Variants in PCDHGA6 observed in about 807,000 individuals in gnomAD.
PCDHGA6 encodes protocadherin gamma subfamily A, 6, also known as protocadherin gamma-A6.
Under a neutral mutation model 60.6 loss-of-function variants are expected in PCDHGA6, and 41 were observed. The ratio of observed to expected loss-of-function variants is 0.68; its 90% CI spans 0.53 to 0.88. The LOEUF (loss-of-function observed/expected upper bound fraction) is 0.88. Ranked by LOEUF, PCDHGA6 falls within the 40% of genes least tolerant of loss-of-function variation. PCDHGA6 has a pLI of 0.00. For missense variants in PCDHGA6, 1,312 were observed against 1,203.0 expected (o/e 1.09, Z -1.34); for synonymous variants, 594 against 524.4 (o/e 1.13, Z -1.81).
intron 1 of PCDHGA6, among the ~76,000 whole-genome samples, chr5:141,467,486 T>A (rs985186472): frequency 6.6e-6 from 1 of 152,242 alleles, no homozygotes; most frequent in Non-Finnish European, 1.5e-5. Flanking sequence ...GGTTTCCACA[T>A]TTAGATCCCT....
chr5:141,411,806 C>G (rs1276116820), intron 1 of PCDHGA6: 1 of 151,860 alleles, frequency 6.6e-6, no homozygotes, highest in Non-Finnish European at 1.5e-5. Flanking sequence ...CGCTTGAGCC[C>G]AGGAAGTCTA....
rs376527354 is a variant in PCDHGA6, at chr5:141,439,129, G to A, written c.2425-55678G>A. Among the ~76,000 whole-genome samples the A allele has an allele frequency of 7.3e-5, 11 of 151,064 alleles. No individual in the cohort carries two copies. The South Asian group carries it at 2.3e-3, about 32-fold the overall frequency. The stretch of plus-strand genomic sequence containing the variant: ...AATCACTTGAACCCGGGAGACAGAG[G>A]TTGCAGTGAGCTGAGATCACGCCAC... On this transcript the variant is annotated intron_variant, in intron 1 of 3. Coordinates refer to ENST00000517434, the MANE Select transcript of PCDHGA6 (RefSeq NM_018919.3).
At chr5:141,413,550 A>C (rs2095653911) in intron 1 of PCDHGA6, 1 of 1,613,974 alleles carries the variant, frequency 6.2e-7, no homozygotes, top group Non-Finnish European at 8.5e-7. Context: ...GGATAGAAAT[A>C]GAAGTAACTG....
At chr5:141,409,898 G>A in intron 1 of PCDHGA6, 1 of 1,613,240 alleles carries the variant, frequency 6.2e-7, no homozygotes, top group Non-Finnish European at 8.5e-7. Flanking sequence ...GCTGTACCCA[G>A]CTCTGGGTCC....
chr5:141,431,603 C>T lies in PCDHGA6; in HGVS notation c.2424+55096C>T, dbSNP rs746243366. On this transcript the variant is annotated intron_variant, in intron 1 of 3. Coordinates refer to ENST00000517434, the MANE Select transcript of PCDHGA6 (RefSeq NM_018919.3). This position sits in a 1 kb window ranked among gnomAD's most constrained non-coding sequence, Gnocchi z 4.8. ...CAATGCGGAAGTGAGGTATTCCTTC[C>T]GGTATGTGGACGACAAGGCGGCCCA... is the stretch of plus-strand genomic sequence containing the variant. 1.1e-5 allele frequency: 17 copies of T among 1,614,212 alleles called. No individual in the cohort carries two copies. Among genetic ancestry groups the T allele is most frequent in the Non-Finnish European group, 1.4e-5 (16 of 1,180,044 alleles).
At chr5:141,379,256 A>C (rs896314996) in intron 1 of PCDHGA6, 1 of 152,234 alleles carries the variant, frequency 6.6e-6, no homozygotes, top group Non-Finnish European at 1.5e-5. Flanking sequence ...ATTTACATTT[A>C]AGGAATTGTT....
Position 141,489,214 on chromosome 5 carries a change from T to TA in PCDHGA6, c.2425-5592dup, listed in dbSNP as rs771766565. On this transcript the variant is annotated intron_variant, in intron 1 of 3. Transcript: ENST00000517434. This position sits in a 1 kb window ranked among gnomAD's most constrained non-coding sequence, Gnocchi z 4.5. ...CCTTGGAGACAGGACAGCACAGACTTACTCTCCACAAAGGGACTTCTGGGT... is the reference window on the plus strand; with the variant it reads ...CCTTGGAGACAGGACAGCACAGACTTAACTCTCCACAAAGGGACTTCTGGGT... 216 of 1,480,534 alleles carry TA rather than the reference T, an allele frequency of 1.5e-4. 4 individuals are homozygous for TA. The South Asian group carries it at 2.1e-3, about 14-fold the overall frequency. 91.7% of individuals were successfully genotyped at this position (1,480,534 alleles called of 1,614,324 possible).
intron 3 of PCDHGA6, among the ~76,000 whole-genome samples, chr5:141,510,354 G>A (rs1311482557): frequency 2.1e-5 from 3 of 146,300 alleles, no homozygotes; most frequent in Non-Finnish European, 4.5e-5. Flanking sequence ...ACTTACTAAC[G>A]GAACTACCGA....
chr5:141,485,762 G>A lies in PCDHGA6; in HGVS notation c.2425-9045G>A, dbSNP rs774145313. 3.1e-6 allele frequency: 5 copies of A among 1,614,226 alleles called. No homozygotes were observed. The highest frequency in any genetic ancestry group is 3.3e-5 in the Admixed American group (2 of 60,030). ...CAGCCTGGTCCCAGAGCTGCTCCTG[G>A]AGAAGCCTTTGGATCGAGAGAAGCA... On this transcript the variant is annotated intron_variant, in intron 1 of 3. Transcript: ENST00000517434. The surrounding 1 kb of genome is among the most constrained non-coding windows in gnomAD (Gnocchi z 5.7).
chr5:141,375,300 C>A lies in PCDHGA6; in HGVS notation c.1217C>A (p.Thr406Lys), dbSNP rs374837091. The change falls in exon 1 of 4, where the codon ACA (threonine) becomes AAA (lysine). Residue 406 changes from threonine to lysine, a missense_variant. By Grantham distance (78) the Thr-to-Lys change is moderately conservative. Transcript: ENST00000517434. ...KSVGNYYRLV[T>K]NAALDREEVF... ...GTTGGCAATTATTATCGATTAGTGA[C>A]AAATGCAGCTCTAGACCGGGAAGAG... 1.3e-5 allele frequency: 21 copies of A among 1,613,664 alleles called. No homozygotes were observed. In the African/African-American group the frequency reaches 2.1e-4, roughly 16 times the overall value.
chr5:141,465,313 T>C (rs113508011), intron 1 of PCDHGA6, among the ~76,000 whole-genome samples: 5 of 152,312 alleles, frequency 3.3e-5, no homozygotes, highest in Admixed American at 6.5e-5. Context: ...AATTTAGCCA[T>C]GTCAATGCAG....
At chr5:141,393,746 A>G (rs1167040701) in intron 1 of PCDHGA6, 6 of 1,613,800 alleles carry the variant, frequency 3.7e-6, no homozygotes, top group South Asian at 1.1e-5. Context: ...ATTATGAAGA[A>G]TGTTCATTTT....
At chr5:141,396,830 G>C (rs1014090361) in intron 1 of PCDHGA6, among the ~76,000 whole-genome samples, 1 of 152,198 alleles carries the variant, frequency 6.6e-6, no homozygotes, top group African/African-American at 2.4e-5. Flanking sequence ...TGCATATTCA[G>C]TGGAGTGGGA....
chr5:141,404,919 C>T, intron 1 of PCDHGA6: 1 of 1,613,924 alleles, frequency 6.2e-7, no homozygotes, highest in Non-Finnish European at 8.5e-7. Context: ...CCTCTCTCGG[C>T]CACTGTCACG....
chr5:141,415,387 G>A (rs1347191224), intron 1 of PCDHGA6: 2 of 1,614,168 alleles, frequency 1.2e-6, no homozygotes. Context: ...CGGCTTGACA[G>A]GTGTGTCCGG....
In PCDHGA6 at chr5:141,432,413, G is replaced by A; in HGVS notation, c.2424+55906G>A. 1.2e-6 allele frequency: 2 copies of A among 1,614,232 alleles called. No homozygotes were observed. The highest frequency in any genetic ancestry group is 2.2e-5 in the South Asian group (2 of 91,082). Reference sequence around the variant, plus strand: ...CAGCAACGTGTCGTTGAGCCTGTTCGTGCTGGACCAGAACGACAATGCGCC... The same window carrying A: ...CAGCAACGTGTCGTTGAGCCTGTTCATGCTGGACCAGAACGACAATGCGCC... On this transcript the variant is annotated intron_variant, in intron 1 of 3. Coordinates refer to ENST00000517434, the MANE Select transcript of PCDHGA6 (RefSeq NM_018919.3). The surrounding 1 kb of genome is among the most constrained non-coding windows in gnomAD (Gnocchi z 6.0).
intron 1 of PCDHGA6, chr5:141,422,357 C>T: frequency 6.4e-7 from 1 of 1,557,656 alleles, no homozygotes; most frequent in South Asian, 1.3e-5. Context: ...GATCAAGATT[C>T]TGGAGAAAAT....
chr5:141,490,092 C>T lies in PCDHGA6; in HGVS notation c.2425-4715C>T. On this transcript the variant is annotated intron_variant, in intron 1 of 3. Coordinates refer to ENST00000517434, the MANE Select transcript of PCDHGA6 (RefSeq NM_018919.3). This position sits in a 1 kb window ranked among gnomAD's most constrained non-coding sequence, Gnocchi z 5.4. ...AACTAGACTATTCTTTTGGAGACCA[C>T]ACATCTGAGGCAGTGCGGAACCTCT... 6.2e-7 allele frequency: 1 copy of T among 1,614,240 alleles called. No individual in the cohort carries two copies.
chr5:141,448,190 C>T (rs1426828578), intron 1 of PCDHGA6, among the ~76,000 whole-genome samples: 1 of 152,118 alleles, frequency 6.6e-6, no homozygotes, highest in Non-Finnish European at 1.5e-5. Flanking sequence ...GTTATGTACA[C>T]TTACAAACAT....
Sources: gnomAD v4.1 joint callset for allele counts (sites outside exome capture counted in the v4.1 genomes callset) on GRCh38, gnomAD v4.1.1 for gene constraint, Gnocchi (gnomAD v3.1) non-coding constraint, MANE v1.5 for transcripts, NCBI Gene and HGNC (gene_info 2026-07-23, HGNC 2026-07-21) for gene names.